GFRA1: variants seen among roughly 807,000 people sequenced by gnomAD.
GFRA1 encodes the protein GDNF family receptor alpha-1.
A neutral mutation model predicts 51.6 loss-of-function variants in GFRA1; 16 were observed. That is an observed-to-expected ratio of 0.31 (90% CI 0.21 to 0.47). The LOEUF is 0.47. GFRA1 is among the 20% of genes least tolerant of loss of function. The pLI is 1.00. For synonymous variants in GFRA1, 270 were observed against 241.3 expected (o/e 1.12, Z -1.10); for missense variants, 530 against 594.3 (o/e 0.89, Z 1.13).
chr10:116,098,030 G>A (rs1402191437), intron 6 of GFRA1, among the ~76,000 whole-genome samples: 1 of 152,208 alleles, frequency 6.6e-6, no homozygotes, highest in Non-Finnish European at 1.5e-5. Context: ...ATGTTTGTGT[G>A]GGGTTCTCTC....
rs184309024 is a variant in GFRA1, at chr10:116,105,315, A to T, written c.771-8551T>A. 3.4e-3 allele frequency among the ~76,000 whole-genome samples: 523 copies of T among 152,258 alleles called. 2 individuals carry two copies. The highest frequency in any genetic ancestry group is 0.012 in the African/African-American group (501 of 41,538). On this transcript the variant is annotated intron_variant, in intron 6 of 10. Coordinates refer to ENST00000355422, the MANE Select transcript of GFRA1 (RefSeq NM_005264.8). The stretch of plus-strand genomic sequence containing the variant: ...GCTTTTGGCCACAAGAAAAAATGGA[A>T]ATCTAGATGTTCAATGAATCTTTCA...
intron 9 of GFRA1, among the ~76,000 whole-genome samples, chr10:116,070,486 G>GT (rs1189042164): frequency 1.3e-5 from 2 of 152,138 alleles, no homozygotes; most frequent in African/African-American, 4.8e-5. Flanking sequence ...ATGTTCCGTT[G>GT]TAAGACAAGC....
chr10:116,090,730 T>G (rs911372799), intron 8 of GFRA1, among the ~76,000 whole-genome samples: 18 of 135,258 alleles, frequency 1.3e-4, no homozygotes, highest in African/African-American at 2.6e-4. Flanking sequence ...GGATTTAGGG[T>G]TTTTTTTTAT....
In GFRA1 at chr10:116,257,659, T is replaced by C. The variant is rs142762526; in HGVS notation, c.418+11844A>G. 2.7e-3 allele frequency among the ~76,000 whole-genome samples: 406 copies of C among 152,350 alleles called. 2 individuals carry two copies. The highest frequency in any genetic ancestry group is 4.2e-3 in the Non-Finnish European group (286 of 68,032). On this transcript the variant is annotated intron_variant, in intron 4 of 10. Transcript: ENST00000355422. ...GCATCCAGAGCCCCTGTGTGTGCTT[T>C]TATGACACAAAACTATATTAAGTTG...
At chr10:116,069,176 T>C (rs949248535) in intron 9 of GFRA1, among the ~76,000 whole-genome samples, 1 of 152,124 alleles carries the variant, frequency 6.6e-6, no homozygotes, top group Non-Finnish European at 1.5e-5. Flanking sequence ...TAACATGATA[T>C]GTCTTTTAAC....
intron 5 of GFRA1, among the ~76,000 whole-genome samples, chr10:116,142,406 A>G (rs1460440478): frequency 6.6e-6 from 1 of 152,206 alleles, no homozygotes; most frequent in Admixed American, 6.5e-5. Context: ...AAGCCCTTTT[A>G]TAAGTTGGAT....
chr10:116,087,816 C>A (rs1359166590), intron 9 of GFRA1, among the ~76,000 whole-genome samples: 1 of 152,166 alleles, frequency 6.6e-6, no homozygotes, highest in East Asian at 1.9e-4. Context: ...TGGCTCTAGG[C>A]CTGCTTTCAA....
intron 5 of GFRA1, among the ~76,000 whole-genome samples, chr10:116,131,253 T>C (rs549142808): frequency 1.3e-5 from 2 of 152,320 alleles, no homozygotes; most frequent in East Asian, 3.9e-4. Flanking sequence ...AAATTTGACA[T>C]CAAATGTTAT....
intron 9 of GFRA1, among the ~76,000 whole-genome samples, chr10:116,071,271 A>T (rs1955379107): frequency 6.6e-6 from 1 of 152,112 alleles, no homozygotes. Context: ...CCCCCTGAAG[A>T]TGCTTTGTCT....
At chr10:116,123,580 C>T (rs560173137) in intron 6 of GFRA1, among the ~76,000 whole-genome samples, 36 of 152,312 alleles carry the variant, frequency 2.4e-4, no homozygotes, top group Admixed American at 5.2e-4. Context: ...TCTTCAACAT[C>T]ACAGACATTA....
intron 9 of GFRA1, among the ~76,000 whole-genome samples, chr10:116,078,919 T>G (rs2133825541): frequency 6.6e-6 from 1 of 152,108 alleles, no homozygotes; most frequent in South Asian, 2.1e-4. Flanking sequence ...CTGGTGCTAG[T>G]TTTCTAATCC....
At chr10:116,236,065 AAGG>A (rs954147489) in intron 4 of GFRA1, among the ~76,000 whole-genome samples, 58 of 152,282 alleles carry the variant, frequency 3.8e-4, no homozygotes, top group Middle Eastern at 3.4e-3. Flanking sequence ...AGAAGAATTC[AAGG>A]AGGAGAACAA....
intron 8 of GFRA1, among the ~76,000 whole-genome samples, chr10:116,092,134 C>CACACAG (rs1555147102): frequency 6.8e-6 from 1 of 146,060 alleles, no homozygotes; most frequent in Non-Finnish European, 1.5e-5. Flanking sequence ...CACACACACA[C>CACACAG]ACACATTTTC....
At chr10:116,212,559 CACACACAT>C (rs892036924) in intron 4 of GFRA1, among the ~76,000 whole-genome samples, 25 of 119,390 alleles carry the variant, frequency 2.1e-4, no homozygotes, top group African/African-American at 7.9e-4. Flanking sequence ...CACACACACA[CACACACAT>C]CTAGTTAAAA....
At chr10:116,195,016 C>T (rs1276300529) in intron 5 of GFRA1, among the ~76,000 whole-genome samples, 1 of 152,162 alleles carries the variant, frequency 6.6e-6, no homozygotes, top group Non-Finnish European at 1.5e-5. Flanking sequence ...CACAGTAGTG[C>T]AAAAGTAGCC....
At chr10:116,187,162 T>C (rs550505808) in intron 5 of GFRA1, among the ~76,000 whole-genome samples, 11 of 152,332 alleles carry the variant, frequency 7.2e-5, no homozygotes, top group African/African-American at 2.6e-4. Context: ...AATGCAATAC[T>C]TGCATCAGTT....
intron 5 of GFRA1, among the ~76,000 whole-genome samples, chr10:116,164,369 T>A (rs1248670965): frequency 6.6e-6 from 1 of 151,960 alleles, no homozygotes; most frequent in Non-Finnish European, 1.5e-5. Context: ...AAACCTCATA[T>A]TGTTTTGTTT....
intron 9 of GFRA1, among the ~76,000 whole-genome samples, chr10:116,085,158 T>C (rs538951582): frequency 1.3e-5 from 2 of 152,326 alleles, no homozygotes; most frequent in South Asian, 4.1e-4. Context: ...ATGCGTCCTA[T>C]ATTCACCATA....
intron 5 of GFRA1, among the ~76,000 whole-genome samples, chr10:116,164,457 T>C (rs1391461811): frequency 1.3e-5 from 2 of 152,194 alleles, no homozygotes; most frequent in Non-Finnish European, 2.9e-5. Flanking sequence ...GTGAACAGCA[T>C]TTGAAATGAA....
Sources: allele counts gnomAD v4.1 joint callset (sites outside exome capture counted in the v4.1 genomes callset), GRCh38; gene constraint gnomAD v4.1.1; transcripts MANE v1.5; gene names NCBI Gene and HGNC (gene_info 2026-07-23, HGNC 2026-07-21).